Variants in MAP4K4 observed in about 807,000 individuals in gnomAD.
The protein encoded by MAP4K4 is HPK/GCK-like kinase HGK.
In MAP4K4, 38 loss-of-function variants were observed where a neutral mutation model predicts 189.6. The observed-to-expected ratio is 0.20, with a 90% CI of 0.15 to 0.26. The LOEUF is 0.26. Among genes scored for constraint, MAP4K4 ranks in the 10% least tolerant of loss-of-function variants. The pLI, the probability that MAP4K4 is intolerant of heterozygous loss-of-function variation, is 1.00. For missense variants in MAP4K4, 1,054 were observed against 1,726.9 expected, an observed-to-expected ratio of 0.61 and a Z score of 6.91; for synonymous variants, 610 against 624.3, an observed-to-expected ratio of 0.98 and a Z score of 0.34.
chr2:101,876,005 A>G (rs1386387485), intron 26 of MAP4K4, among the ~76,000 whole-genome samples: 1 of 152,218 alleles, frequency 6.6e-6, no homozygotes, highest in Non-Finnish European at 1.5e-5. Flanking sequence ...TCTATCCGTC[A>G]CTTAAAAGGT....
chr2:101,879,195 CAA>C (rs61482872), intron 27 of MAP4K4, among the ~76,000 whole-genome samples: 210 of 67,430 alleles, frequency 3.1e-3, no homozygotes, highest in African/African-American at 5.7e-3. Context: ...AGCCTGTCTC[CAA>C]AAAAAAAAAA....
chr2:101,873,950 G>T (rs2098126843), intron 25 of MAP4K4, 132 bp from the exon 26 acceptor site: 1 of 842,484 alleles, frequency 1.2e-6, no homozygotes. Context: ...CATATACATT[G>T]CTTACAGATT....
intron 2 of MAP4K4, among the ~76,000 whole-genome samples, chr2:101,789,063 C>T (rs543510731): frequency 1.3e-5 from 2 of 152,242 alleles, no homozygotes; most frequent in East Asian, 3.9e-4. Flanking sequence ...AGAAGGAAAG[C>T]CAGGACAGTG....
At chr2:101,740,161 T>TAAAGCCTGCA (rs1353029035) in intron 2 of MAP4K4, among the ~76,000 whole-genome samples, 3 of 115,044 alleles carry the variant, frequency 2.6e-5, no homozygotes, top group Admixed American at 7.8e-5. Flanking sequence ...CTTTTTTTTT[T>TAAAGCCTGCA]TTTTTTTTTT....
rs140173872 is a variant in MAP4K4, at chr2:101,805,365, G to A, written c.180+14589G>A. Reference sequence around the variant, plus strand: ...GTTCTTGATATAAATGGAACCATACGGTACTCTGTGTCTGGCTTCTTTCAG... The same window carrying A: ...GTTCTTGATATAAATGGAACCATACAGTACTCTGTGTCTGGCTTCTTTCAG... On this transcript the variant is annotated intron_variant, in intron 3 of 32. Transcript: ENST00000324219. Among the ~76,000 whole-genome samples, 10 of 152,200 alleles carry A rather than the reference G, an allele frequency of 6.6e-5. 1 individual carries two copies. Among genetic ancestry groups the A allele is most frequent in the Admixed American group, 2.0e-4 (3 of 15,294 alleles).
intron 8 of MAP4K4, among the ~76,000 whole-genome samples, chr2:101,835,535 G>T (rs1311018628): frequency 6.6e-6 from 1 of 152,094 alleles, no homozygotes; most frequent in Non-Finnish European, 1.5e-5. Context: ...GAAGGCCTTT[G>T]CAAGCCATAT....
intron 2 of MAP4K4, among the ~76,000 whole-genome samples, chr2:101,725,459 T>A (rs963574748): frequency 6.6e-6 from 1 of 151,954 alleles, no homozygotes; most frequent in Non-Finnish European, 1.5e-5. Flanking sequence ...AATCATTTAC[T>A]CTTGTCTGTT....
chr2:101,797,246 TC>T (rs1368631179), intron 3 of MAP4K4: 8 of 1,290,594 alleles, frequency 6.2e-6, no homozygotes, highest in Non-Finnish European at 8.1e-6. Context: ...ATTCTGTTAT[TC>T]CTCAGAGGCC....
exon 20 of MAP4K4, chr2:101,867,257 C>A (rs2097845072): frequency 6.2e-7 from 1 of 1,607,384 alleles, no homozygotes; most frequent in African/African-American, 1.3e-5. Flanking sequence ...CTGGAAAATG[C>A]AGTGAAAAAA....
intron 22 of MAP4K4, chr2:101,870,079 G>A: frequency 3.2e-6 from 2 of 621,246 alleles, no homozygotes; most frequent in Middle Eastern, 4.4e-4. Flanking sequence ...ACTTTAATTA[G>A]CCATAATTAT....
intron 3 of MAP4K4, among the ~76,000 whole-genome samples, chr2:101,821,749 A>G (rs2096068767): frequency 6.6e-6 from 1 of 152,232 alleles, no homozygotes; most frequent in Non-Finnish European, 1.5e-5. Context: ...TGTAAAAAAT[A>G]TGCTTTCTTC....
rs145763558 is a variant in MAP4K4 at position 101,765,939 on chromosome 2, T to C, written c.124-24781T>C. ...TGCCTTAGTGAACTTTTGCCTCTTTTCAGCTTGCTTGTTTCATCTTTAAAA... is the reference window on the plus strand; with the variant it reads ...TGCCTTAGTGAACTTTTGCCTCTTTCCAGCTTGCTTGTTTCATCTTTAAAA... On this transcript the variant is annotated intron_variant, in intron 2 of 32. Transcript: ENST00000324219. Among the ~76,000 whole-genome samples the C allele has an allele frequency of 8.5e-5, 13 of 152,298 alleles. 1 individual carries two copies. In the East Asian group the frequency reaches 2.3e-3, roughly 27 times the overall value.
intron 2 of MAP4K4, among the ~76,000 whole-genome samples, chr2:101,702,816 C>T (rs527760372): frequency 6.6e-6 from 1 of 152,190 alleles, no homozygotes; most frequent in Non-Finnish European, 1.5e-5. Context: ...ACAAGGGTAC[C>T]CTAGGCCCAA....
At chr2:101,791,339 A>G (rs1183233746) in intron 3 of MAP4K4, among the ~76,000 whole-genome samples, 1 of 152,186 alleles carries the variant, frequency 6.6e-6, no homozygotes, top group Non-Finnish European at 1.5e-5. Context: ...GCAGCTTTAG[A>G]TGGGAAAGAG....
intron 3 of MAP4K4, among the ~76,000 whole-genome samples, chr2:101,797,577 C>A (rs905684614): frequency 2.0e-5 from 3 of 152,054 alleles, no homozygotes; most frequent in Non-Finnish European, 4.4e-5. Context: ...TTTGAATGAT[C>A]TTTGATCTTA....
chr2:101,879,424 A>T (rs2098318097), intron 27 of MAP4K4, among the ~76,000 whole-genome samples: 1 of 152,058 alleles, frequency 6.6e-6, no homozygotes, highest in Non-Finnish European at 1.5e-5. Flanking sequence ...TCTTGTTAAC[A>T]TTTTATATTT....
At chr2:101,791,378 G>A (rs1176645970) in intron 3 of MAP4K4, among the ~76,000 whole-genome samples, 1 of 152,122 alleles carries the variant, frequency 6.6e-6, no homozygotes, top group Non-Finnish European at 1.5e-5. Context: ...GAAAGTAAAT[G>A]TATGTGTGCC....
intron 13 of MAP4K4, among the ~76,000 whole-genome samples, 190 bp from the exon 14 acceptor site, chr2:101,858,806 C>T (rs371623910): frequency 6.6e-6 from 1 of 152,210 alleles, no homozygotes; most frequent in South Asian, 2.1e-4. Flanking sequence ...ATTTGTTAGA[C>T]TCCTTAGGTC....
exon 33 of MAP4K4, chr2:101,892,709 C>T (rs750334895): frequency 2.1e-5 from 7 of 340,348 alleles, no homozygotes; most frequent in Non-Finnish European, 4.1e-5. Flanking sequence ...TGGCTTTTCT[C>T]GTTTTCTCAC....
Sources: gnomAD v4.1 joint callset for allele counts (sites outside exome capture counted in the v4.1 genomes callset) on GRCh38, gnomAD v4.1.1 for gene constraint, MANE v1.5 for transcripts, NCBI Gene and HGNC (gene_info 2026-07-23, HGNC 2026-07-21) for gene names.